LARP1: variants seen among roughly 807,000 people sequenced by gnomAD.
LARP1 encodes La ribonucleoprotein 1, translational regulator.
Under a neutral mutation model 122.7 loss-of-function variants are expected in LARP1, and 36 were observed. The ratio of observed to expected loss-of-function variants is 0.29; its 90% CI spans 0.22 to 0.39. The LOEUF (loss-of-function observed/expected upper bound fraction) is 0.39, where lower values mean the gene tolerates loss of function less well. Ranked by LOEUF, LARP1 falls within the 10% of genes least tolerant of loss-of-function variation. LARP1 has a pLI of 1.00. For missense variants in LARP1, 1,040 were observed against 1,403.6 expected (o/e 0.74, Z 4.14); for synonymous variants, 539 against 528.7 (o/e 1.02, Z -0.27).
At chr5:154,701,584 T>A (rs1754714175) in intron 1 of LARP1, among the ~76,000 whole-genome samples, 1 of 151,904 alleles carries the variant, frequency 6.6e-6, no homozygotes, top group Non-Finnish European at 1.5e-5. Flanking sequence ...GAGACTCAAT[T>A]CTGGGGATAT....
At chr5:154,719,142 G>A (rs1368559890) in intron 1 of LARP1, among the ~76,000 whole-genome samples, 2 of 152,182 alleles carry the variant, frequency 1.3e-5, no homozygotes, top group Non-Finnish European at 2.9e-5. Context: ...TCAGTTCGGT[G>A]CCCCTAGCCT....
At chr5:154,738,791 T>C (rs959120674) in intron 1 of LARP1, among the ~76,000 whole-genome samples, 5 of 151,812 alleles carry the variant, frequency 3.3e-5, no homozygotes, top group Admixed American at 6.6e-5. Flanking sequence ...GCATAGTGGC[T>C]CATGCCTGTA....
chr5:154,756,223 C>T (rs1753878966), intron 1 of LARP1, 30 bp downstream of exon 1: 5 of 1,220,104 alleles, frequency 4.1e-6, no homozygotes, highest in East Asian at 1.6e-4. Context: ...CTCCTGGGTC[C>T]GGGGGCCTCT....
In LARP1 at chr5:154,799,197, A is replaced by G. The variant is rs149099889; in HGVS notation, c.1378-394A>G. ...TTTAATGTCTGAGTAGTGTTCCATC[A>G]TGCATATGCTGTAAATATTTAAATT... On this transcript the variant is annotated intron_variant, in intron 8 of 18. Transcript: ENST00000518297. Among the ~76,000 whole-genome samples, 694 of 152,320 alleles carry G rather than the reference A, an allele frequency of 4.6e-3. 2 individuals carry two copies. The highest frequency in any genetic ancestry group is 7.3e-3 in the Non-Finnish European group (497 of 68,026).
intron 1 of LARP1, among the ~76,000 whole-genome samples, chr5:154,704,205 T>G (rs1268862362): frequency 6.6e-6 from 1 of 152,206 alleles, no homozygotes; most frequent in Non-Finnish European, 1.5e-5. Flanking sequence ...CGATAAGCAC[T>G]GAGAAGGAAA....
intron 1 of LARP1, among the ~76,000 whole-genome samples, chr5:154,786,027 A>G (rs1003024397): frequency 1.3e-5 from 2 of 152,270 alleles, no homozygotes; most frequent in African/African-American, 2.4e-5. Flanking sequence ...CTTCTTGCAC[A>G]TAGCAATTTT....
chr5:154,710,366 C>T (rs1029913735), upstream of LARP1, among the ~76,000 whole-genome samples: 6 of 152,114 alleles, frequency 3.9e-5, no homozygotes, highest in Non-Finnish European at 7.4e-5. Flanking sequence ...AATCCCAGTA[C>T]TTTGGAAGGC....
chr5:154,695,518 A>G (rs1384668623), intron 1 of LARP1, among the ~76,000 whole-genome samples: 2 of 150,902 alleles, frequency 1.3e-5, no homozygotes, highest in Non-Finnish European at 3.0e-5. Context: ...TCAGCTGGGC[A>G]TGGTGGCGCG....
In LARP1 at chr5:154,816,193, G is replaced by C. The variant is rs898987836; in HGVS notation, c.*2097G>C. The C allele has an allele frequency of 6.5e-6, 1 of 152,836 alleles. No homozygotes were observed. The highest frequency in any genetic ancestry group is 6.5e-5 in the Admixed American group (1 of 15,288). The allele number at this position is 152,836 out of a possible 1,614,324, so 9.5% of individuals were successfully genotyped here. On this transcript the variant is annotated 3_prime_UTR_variant, in exon 19 of 19. Transcript: ENST00000518297. ...GGTCTCTGCTATGATGGTGGTATCC[G>C]AGGCCTTTCCCTGCCCAGTCTGGTG...
chr5:154,749,580 G>C (rs1753381539), intron 1 of LARP1, among the ~76,000 whole-genome samples: 1 of 152,172 alleles, frequency 6.6e-6, no homozygotes, highest in Non-Finnish European at 1.5e-5. Flanking sequence ...TCCTGGCTGA[G>C]CCTCTTCCCA....
chr5:154,757,086 C>A (rs1754006364), intron 1 of LARP1: 1 of 148,744 alleles, frequency 6.7e-6, no homozygotes, highest in African/African-American at 2.5e-5. Context: ...CAGGAGGGTG[C>A]GGGCCCGCGG....
intron 1 of LARP1, among the ~76,000 whole-genome samples, chr5:154,771,208 G>A (rs1296868116): frequency 6.6e-6 from 1 of 152,124 alleles, no homozygotes; most frequent in Non-Finnish European, 1.5e-5. Context: ...GCTTGGCCAG[G>A]TGTCCTAAAA....
chr5:154,796,688 C>CA (rs1477104739), intron 8 of LARP1, among the ~76,000 whole-genome samples: 1 of 152,122 alleles, frequency 6.6e-6, no homozygotes, highest in African/African-American at 2.4e-5. Context: ...GTTAGGATTG[C>CA]AAAATGACAA....
At chr5:154,731,175 T>A (rs1756543700) in intron 1 of LARP1, among the ~76,000 whole-genome samples, 1 of 151,772 alleles carries the variant, frequency 6.6e-6, no homozygotes, top group South Asian at 2.1e-4. Flanking sequence ...CTATCAATCA[T>A]AACCGTGTGA....
chr5:154,790,225 G>C (rs1289489472), intron 1 of LARP1, 100 bp from the exon 2 acceptor site: 5 of 916,942 alleles, frequency 5.5e-6, no homozygotes, highest in Non-Finnish European at 8.5e-6. Flanking sequence ...GGAACTTGCA[G>C]GTTGCTAGGT....
upstream of LARP1, among the ~76,000 whole-genome samples, chr5:154,754,308 C>T (rs1753663587): frequency 6.6e-6 from 1 of 152,296 alleles, no homozygotes; most frequent in East Asian, 1.9e-4. Context: ...AAGGCCCCCA[C>T]AGTACGAGGT....
intron 1 of LARP1, among the ~76,000 whole-genome samples, chr5:154,777,112 TTGCTCCTGGGCTACAAACC>T (rs1289279585): frequency 6.6e-6 from 1 of 152,210 alleles, no homozygotes; most frequent in Non-Finnish European, 1.5e-5. Flanking sequence ...GTATAGCCTG[TTGCTCCTGGGCTACAAACC>T]TGTGTAGCAT....
chr5:154,695,542 A>C (rs961414358), intron 1 of LARP1, among the ~76,000 whole-genome samples: 5 of 152,150 alleles, frequency 3.3e-5, no homozygotes, highest in African/African-American at 4.8e-5. Flanking sequence ...CTGTAAACCC[A>C]GCTACTCAGG....
chr5:154,765,740 C>G (rs936768973), intron 1 of LARP1, among the ~76,000 whole-genome samples: 3 of 152,154 alleles, frequency 2.0e-5, no homozygotes, highest in Non-Finnish European at 4.4e-5. Context: ...GACTTCGATA[C>G]CTGATTACGT....
Sources: gnomAD v4.1 joint callset for allele counts (sites outside exome capture counted in the v4.1 genomes callset) on GRCh38, gnomAD v4.1.1 for gene constraint, MANE v1.5 for transcripts, NCBI Gene and HGNC (gene_info 2026-07-23, HGNC 2026-07-21) for gene names.